ANKUB1: variants seen among roughly 807,000 people sequenced by gnomAD.
ANKUB1 encodes the protein protein ANKUB1.
ANKUB1 carries 42 observed loss-of-function variants against 49.3 expected under a neutral mutation model. The observed-to-expected ratio is 0.85, with a 90% confidence interval of 0.67 to 1.10. ANKUB1 has a LOEUF of 1.10. ANKUB1 is among the 50% of genes least tolerant of loss of function. The pLI, the probability that ANKUB1 is intolerant of heterozygous loss-of-function variation, is 0.00. For missense variants in ANKUB1, 613 were observed against 642.0 expected, an observed-to-expected ratio of 0.95 and a Z score of 0.49; for synonymous variants, 222 against 231.0, an observed-to-expected ratio of 0.96 and a Z score of 0.35.
chr3:149,769,144 C>A (rs1428423501), intron 4 of ANKUB1, among the ~76,000 whole-genome samples: 2 of 152,162 alleles, frequency 1.3e-5, no homozygotes, highest in Non-Finnish European at 2.9e-5. Context: ...GAGCCTCAGA[C>A]CTCCTGGTGT....
At chr3:149,776,547 T>C (rs1026154560) in intron 3 of ANKUB1, among the ~76,000 whole-genome samples, 1 of 151,974 alleles carries the variant, frequency 6.6e-6, no homozygotes, top group Admixed American at 6.6e-5. Flanking sequence ...GTAACTTTTT[T>C]AAAAAAAAGT....
rs1356945692 is a variant in ANKUB1 at position 149,767,664 on chromosome 3, A to G, written c.998T>C (p.Phe333Ser). The G allele has an allele frequency of 5.2e-6, 8 of 1,551,536 alleles. No homozygotes were observed. In the East Asian group the frequency reaches 9.8e-5, roughly 19 times the overall value. The change falls in exon 5 of 6, where the codon TTT becomes TCT. Residue 333 changes from phenylalanine (F) to serine (S), a missense_variant. Phe to Ser is a radical substitution (Grantham distance 155, BLOSUM62 -2). Coordinates refer to ENST00000446160, the MANE Select transcript of ANKUB1 (RefSeq NM_001144960.3). ...TGCCCCAAAGACCCTTGCTCCACAAAACTGGCTTTTATGAAGACTGTGACT... is the reference window on the plus strand; with the variant it reads ...TGCCCCAAAGACCCTTGCTCCACAAGACTGGCTTTTATGAAGACTGTGACT... ...AQSHSLHKSQ[F>S]CGARVFGAKV... is the part of the protein sequence containing the mutation.
At position 149,767,879 on chromosome 3, in the gene ANKUB1, G is replaced by T. The variant is rs1406833707; in HGVS notation, c.783C>A (p.Asn261Lys). The part of the protein sequence containing the change: ...GQLLILKAFV[N>K]YSVLCLECKN... ...TGCATTCCAGGCACAGCACACTGTA[G>T]TTGACAAAGGCCTTCAGAATCAACA... The change falls in exon 5 of 6, where the codon AAC becomes AAA. Residue 261 changes from asparagine (N) to lysine (K), a missense_variant. By Grantham distance (94) the Asn-to-Lys change is moderately conservative. Transcript: ENST00000446160. The T allele has an allele frequency of 3.9e-6, 6 of 1,551,708 alleles. No homozygotes were observed. The East Asian group carries it at 1.2e-4, about 32-fold the overall frequency.
intron 2 of ANKUB1, among the ~76,000 whole-genome samples, chr3:149,786,353 G>A (rs1576682795): frequency 6.6e-6 from 1 of 152,052 alleles, no homozygotes; most frequent in Non-Finnish European, 1.5e-5. Flanking sequence ...ATTTTTTCAT[G>A]TGTCTTTTGG....
At chr3:149,791,867 A>G (rs1190368829) in intron 1 of ANKUB1, among the ~76,000 whole-genome samples, 1 of 152,204 alleles carries the variant, frequency 6.6e-6, no homozygotes, top group Non-Finnish European at 1.5e-5. Flanking sequence ...CTCTGCTTCC[A>G]AAATCTTCTG....
Position 149,761,628 on chromosome 3 carries a change from GA to G in ANKUB1, c.1506-16del. On this transcript the variant is annotated splice_polypyrimidine_tract_variant and intron_variant, in intron 5 of 5. Coordinates refer to ENST00000446160, the MANE Select transcript of ANKUB1 (RefSeq NM_001144960.3). Reference sequence around the variant, plus strand: ...CTTTAAAGGCACTGCAAGAAAACAAGATATAATTTGTAAGGAGGTCTGATCT... The same window carrying G: ...CTTTAAAGGCACTGCAAGAAAACAAGTATAATTTGTAAGGAGGTCTGATCT... 1 of 1,549,774 alleles carries G rather than the reference GA, an allele frequency of 6.5e-7. No individual in the cohort carries two copies. Among genetic ancestry groups the G allele is most frequent in the Non-Finnish European group, 8.7e-7 (1 of 1,146,234 alleles).
At position 149,761,476 on chromosome 3, in the gene ANKUB1, A is replaced by G; in HGVS notation, c.*8T>C. ...GGTCTTTGTCCAAACTGAAGTTGTC[A>G]TGACTTTTCAAAGCACAGTTTCTAG... On this transcript the variant is annotated 3_prime_UTR_variant, in exon 6 of 6. Coordinates refer to ENST00000446160, the MANE Select transcript of ANKUB1 (RefSeq NM_001144960.3). 6.4e-7 allele frequency: 1 copy of G among 1,551,246 alleles called. No homozygotes were observed. Among genetic ancestry groups the G allele is most frequent in the South Asian group, 1.2e-5 (1 of 84,038 alleles).
chr3:149,768,745 G>A (rs1183302355), intron 4 of ANKUB1, among the ~76,000 whole-genome samples: 2 of 152,032 alleles, frequency 1.3e-5, no homozygotes, highest in African/African-American at 2.4e-5. Context: ...ATTTCGCTAC[G>A]TTGGCCACGC....
chr3:149,776,177 T>C (rs1284644198), intron 3 of ANKUB1, among the ~76,000 whole-genome samples: 1 of 152,196 alleles, frequency 6.6e-6, no homozygotes, highest in African/African-American at 2.4e-5. Context: ...CTTTTTTATC[T>C]CAGAATTGTC....
At chr3:149,780,098 T>TAA (rs1559868266) in intron 3 of ANKUB1, 141 bp downstream of exon 3, 1 of 722,736 alleles carries the variant, frequency 1.4e-6, no homozygotes, top group Non-Finnish European at 2.3e-6. Context: ...GTGTTAACTG[T>TAA]TTTAAAGTGA....
intron 3 of ANKUB1, among the ~76,000 whole-genome samples, chr3:149,777,758 C>T (rs1055483816): frequency 6.6e-6 from 1 of 152,204 alleles, no homozygotes; most frequent in Non-Finnish European, 1.5e-5. Flanking sequence ...AGAATGCCTT[C>T]CCTACATGCC....
chr3:149,775,724 T>G (rs757612746), intron 3 of ANKUB1, among the ~76,000 whole-genome samples: 4 of 152,118 alleles, frequency 2.6e-5, no homozygotes, highest in Admixed American at 1.3e-4. Context: ...ACTCCTTGTT[T>G]CAGAAAGGAT....
intron 1 of ANKUB1, among the ~76,000 whole-genome samples, chr3:149,791,281 A>G (rs556512102): frequency 6.6e-6 from 1 of 152,348 alleles, no homozygotes; most frequent in African/African-American, 2.4e-5. Flanking sequence ...ATATTTCAAA[A>G]TATTATTTCT....
intron 5 of ANKUB1, among the ~76,000 whole-genome samples, chr3:149,764,946 C>T (rs942963326): frequency 1.3e-5 from 2 of 151,918 alleles, no homozygotes; most frequent in Non-Finnish European, 2.9e-5. Context: ...TCCTATGACC[C>T]GGCAATTCTA....
rs1280930152 is a variant in ANKUB1, at chr3:149,767,543, G to A, written c.1119C>T (p.Ile373=). The change falls in exon 5 of 6, where the codon ATC becomes ATT. Residue 373 remains isoleucine (I), a synonymous_variant. Transcript: ENST00000446160. The part of the protein sequence containing the change: ...HKAGNSDSQS[I]VLKLPSLSKQ... The stretch of plus-strand genomic sequence containing the variant: ...TGCTGAGAGATGGTAGCTTGAGCAC[G>A]ATGCTTTGTGAGTCGCTGTTCCCAG... 1.9e-6 allele frequency: 3 copies of A among 1,551,622 alleles called. No individual in the cohort carries two copies. Among genetic ancestry groups the A allele is most frequent in the Middle Eastern group, 1.7e-4 (1 of 5,992 alleles).
intron 1 of ANKUB1, among the ~76,000 whole-genome samples, chr3:149,791,255 A>C (rs143229761): frequency 6.6e-6 from 1 of 152,184 alleles, no homozygotes; most frequent in African/African-American, 2.4e-5. Flanking sequence ...TTCATATCAC[A>C]TTATAGTTGT....
chr3:149,789,948 A>T (rs1218966347), intron 2 of ANKUB1, among the ~76,000 whole-genome samples: 1 of 152,184 alleles, frequency 6.6e-6, no homozygotes, highest in Non-Finnish European at 1.5e-5. Flanking sequence ...ACTAACATAT[A>T]TTAAAAGAAA....
At chr3:149,765,559 C>T (rs2108262269) in intron 5 of ANKUB1, among the ~76,000 whole-genome samples, 1 of 152,174 alleles carries the variant, frequency 6.6e-6, no homozygotes, top group Non-Finnish European at 1.5e-5. Flanking sequence ...CACACACACA[C>T]ACACACACAC....
chr3:149,782,341 AC>A (rs1717908534), intron 2 of ANKUB1, among the ~76,000 whole-genome samples: 1 of 151,544 alleles, frequency 6.6e-6, no homozygotes, highest in Non-Finnish European at 1.5e-5. Flanking sequence ...GCAGTCTCCC[AC>A]CTCCTGAGTA....
Sources: allele counts gnomAD v4.1 joint callset (sites outside exome capture counted in the v4.1 genomes callset), GRCh38; gene constraint gnomAD v4.1.1; transcripts MANE v1.5; gene names NCBI Gene and HGNC (gene_info 2026-07-23, HGNC 2026-07-21).